Variants in WDR27 observed in about 807,000 individuals in gnomAD.
The protein encoded by WDR27 is WD repeat-containing protein 27.
In WDR27, 100 loss-of-function variants were observed where a neutral mutation model predicts 114.4. The observed-to-expected ratio is 0.87, with a 90% CI of 0.74 to 1.03. WDR27 has a LOEUF of 1.03. Ranked by LOEUF, WDR27 falls within the 50% of genes least tolerant of loss-of-function variation. WDR27 has a pLI of 0.00. For synonymous variants in WDR27, 449 were observed against 423.1 expected, an observed-to-expected ratio of 1.06 and a Z score of -0.75; for missense variants, 1,129 against 1,092.9, an observed-to-expected ratio of 1.03 and a Z score of -0.47.
chr6:169,588,127 C>G (rs911607020), intron 23 of WDR27, among the ~76,000 whole-genome samples: 1 of 152,148 alleles, frequency 6.6e-6, no homozygotes, highest in Non-Finnish European at 1.5e-5. Flanking sequence ...CATGCAGAGG[C>G]GATGAGCATC....
chr6:169,524,398 A>G (rs1794726484), intron 25 of WDR27, among the ~76,000 whole-genome samples: 1 of 152,222 alleles, frequency 6.6e-6, no homozygotes, highest in Admixed American at 6.5e-5. Flanking sequence ...TTAAAATTCC[A>G]GTGAAATTCT....
intron 25 of WDR27, among the ~76,000 whole-genome samples, chr6:169,477,127 A>G (rs983366203): frequency 1.3e-5 from 2 of 152,240 alleles, no homozygotes; most frequent in Non-Finnish European, 2.9e-5. Context: ...TACTGTATCA[A>G]AGTAGTGAAT....
At chr6:169,699,563 G>T (rs1787269971) in intron 1 of WDR27, among the ~76,000 whole-genome samples, 1 of 152,194 alleles carries the variant, frequency 6.6e-6, no homozygotes, top group Non-Finnish European at 1.5e-5. Context: ...GGTGGGCTCA[G>T]GGCTGACTGC....
At chr6:169,645,035 AT>A (rs1820241326) in intron 16 of WDR27, among the ~76,000 whole-genome samples, 243 of 56,566 alleles carry the variant, frequency 4.3e-3, no homozygotes, top group African/African-American at 0.022. Context: ...AAAAAAAAAA[AT>A]AAAAAAAAAA....
At chr6:169,622,070 T>C (rs1407494422) in intron 21 of WDR27, among the ~76,000 whole-genome samples, 1 of 152,158 alleles carries the variant, frequency 6.6e-6, no homozygotes, top group Non-Finnish European at 1.5e-5. Flanking sequence ...GACTGCCCCC[T>C]TTGGAAAGAC....
intron 21 of WDR27, among the ~76,000 whole-genome samples, chr6:169,624,936 G>A (rs982683710): frequency 6.6e-6 from 1 of 152,220 alleles, no homozygotes; most frequent in Non-Finnish European, 1.5e-5. Context: ...CAGCCTGGCT[G>A]GGCAGTCAAC....
chr6:169,690,389 CTCTT>C (rs2128302261), intron 1 of WDR27, among the ~76,000 whole-genome samples: 1 of 152,360 alleles, frequency 6.6e-6, no homozygotes, highest in Non-Finnish European at 1.5e-5. Flanking sequence ...ACTCTATTTA[CTCTT>C]TCTTCCAGCT....
chr6:169,691,596 CTAA>C (rs1370400406), intron 1 of WDR27, among the ~76,000 whole-genome samples: 1 of 152,176 alleles, frequency 6.6e-6, no homozygotes, highest in Admixed American at 6.5e-5. Flanking sequence ...TTCAAAAATG[CTAA>C]TAATACACTC....
At chr6:169,643,825 C>T (rs746639353) in intron 16 of WDR27, 39 bp from the exon 17 acceptor site, 3 of 1,547,264 alleles carry the variant, frequency 1.9e-6, no homozygotes, top group African/African-American at 2.7e-5. Context: ...CTTAGAAAAG[C>T]CTAATTCATA....
chr6:169,615,040 G>A (rs140630912), intron 21 of WDR27, among the ~76,000 whole-genome samples: 78 of 152,216 alleles, frequency 5.1e-4, no homozygotes, highest in African/African-American at 1.7e-3. Flanking sequence ...AATAGAGGGT[G>A]AGGAAGAAGA....
At chr6:169,452,374 G>A (rs1309582507), downstream of WDR27, among the ~76,000 whole-genome samples, 2 of 152,258 alleles carry the variant, frequency 1.3e-5, no homozygotes, top group African/African-American at 4.8e-5. Flanking sequence ...GTAAATGGCT[G>A]TAGATTACTG....
chr6:169,453,185 C>G (rs1438209643), downstream of WDR27, among the ~76,000 whole-genome samples: 1 of 152,234 alleles, frequency 6.6e-6, no homozygotes, highest in Non-Finnish European at 1.5e-5. Context: ...CTCCAGAACA[C>G]GGCAAGCTGG....
At chr6:169,510,214 T>C (rs1214905211) in intron 25 of WDR27, among the ~76,000 whole-genome samples, 1 of 152,180 alleles carries the variant, frequency 6.6e-6, no homozygotes, top group African/African-American at 2.4e-5. Flanking sequence ...ATTGTGGAAG[T>C]TGGCGTGGCA....
chr6:169,626,027 G>C (rs1814716835), intron 21 of WDR27, among the ~76,000 whole-genome samples: 1 of 152,232 alleles, frequency 6.6e-6, no homozygotes, highest in Admixed American at 6.5e-5. Context: ...GTAAGAACGA[G>C]AAAGTGGTAC....
intron 15 of WDR27, among the ~76,000 whole-genome samples, chr6:169,648,644 G>A (rs915968201): frequency 2.0e-5 from 3 of 152,266 alleles, no homozygotes; most frequent in African/African-American, 7.2e-5. Context: ...GTTAAAATGA[G>A]TTTTAAGTGC....
intron 25 of WDR27, among the ~76,000 whole-genome samples, chr6:169,568,871 C>T (rs1020324312): frequency 2.6e-5 from 4 of 152,124 alleles, no homozygotes; most frequent in African/African-American, 9.7e-5. Flanking sequence ...TTTCATGCCC[C>T]TCACCCCTGT....
intron 25 of WDR27, among the ~76,000 whole-genome samples, chr6:169,557,352 G>C (rs1036158216): frequency 6.6e-6 from 1 of 152,236 alleles, no homozygotes; most frequent in African/African-American, 2.4e-5. Flanking sequence ...ATGGACACAA[G>C]AGCAGTTTCC....
At chr6:169,629,974 C>T (rs1184042960) in intron 21 of WDR27, among the ~76,000 whole-genome samples, 1 of 140,562 alleles carries the variant, frequency 7.1e-6, no homozygotes, top group Non-Finnish European at 1.6e-5. Flanking sequence ...ATGAAAGAAA[C>T]TTCACGTATA....
intron 21 of WDR27, among the ~76,000 whole-genome samples, chr6:169,631,667 A>C (rs992714935): frequency 1.3e-5 from 2 of 152,158 alleles, no homozygotes; most frequent in Admixed American, 6.5e-5. Flanking sequence ...ATCTTCCTGG[A>C]CACGGAGCCT....
Sources: allele counts gnomAD v4.1 joint callset (sites outside exome capture counted in the v4.1 genomes callset), GRCh38; gene constraint gnomAD v4.1.1; transcripts MANE v1.5; gene names NCBI Gene and HGNC (gene_info 2026-07-23, HGNC 2026-07-21).